The following SYNPR variants were observed in gnomAD, a reference collection of about 807,000 sequenced individuals.
The protein encoded by SYNPR is synaptoporin.
A neutral mutation model predicts 32.9 loss-of-function variants in SYNPR; 23 were observed. The observed-to-expected ratio is 0.70, with a 90% CI of 0.50 to 0.99. The LOEUF (loss-of-function observed/expected upper bound fraction) is 0.99, where lower values mean the gene tolerates loss of function less well. SYNPR is among the 50% of genes least tolerant of loss of function. SYNPR has a pLI of 0.00. For synonymous variants in SYNPR, 146 were observed against 135.9 expected, an observed-to-expected ratio of 1.07 and a Z score of -0.52; for missense variants, 318 against 349.3, an observed-to-expected ratio of 0.91 and a Z score of 0.71.
intron 2 of SYNPR, among the ~76,000 whole-genome samples, chr3:63,327,539 C>A (rs1232154045): frequency 6.6e-6 from 1 of 151,996 alleles, no homozygotes; most frequent in Non-Finnish European, 1.5e-5. Flanking sequence ...TATAAAGCCA[C>A]AAATGCTTAT....
At chr3:63,565,965 C>T (rs1379441855) in intron 4 of SYNPR, among the ~76,000 whole-genome samples, 2 of 152,138 alleles carry the variant, frequency 1.3e-5, no homozygotes, top group Non-Finnish European at 2.9e-5. Flanking sequence ...CTCTTCAGCC[C>T]AACCTAAACA....
chr3:63,382,670 G>T (rs1354372340), intron 2 of SYNPR, among the ~76,000 whole-genome samples: 2 of 152,182 alleles, frequency 1.3e-5, no homozygotes, highest in African/African-American at 4.8e-5. Flanking sequence ...TCGGTGCCAA[G>T]GTCCCTGGCC....
At chr3:63,510,915 C>CTGTGTGTGTG (rs755622968) in intron 3 of SYNPR, among the ~76,000 whole-genome samples, 40 of 149,192 alleles carry the variant, frequency 2.7e-4, no homozygotes, top group African/African-American at 6.6e-4. Context: ...AAAGGTACAA[C>CTGTGTGTGTG]TGTGTGTGTG....
chr3:63,592,774 T>C (rs896410176), intron 4 of SYNPR, among the ~76,000 whole-genome samples: 17 of 152,148 alleles, frequency 1.1e-4, no homozygotes, highest in African/African-American at 4.1e-4. Context: ...AATGCCTATA[T>C]ACTTTTCTAT....
At chr3:63,550,053 T>G (rs573642871) in intron 3 of SYNPR, 1 of 152,306 alleles carries the variant, frequency 6.6e-6, no homozygotes, top group Admixed American at 6.5e-5. Context: ...ATCCAGGTTC[T>G]GTTGAATGAC....
intron 4 of SYNPR, among the ~76,000 whole-genome samples, chr3:63,567,908 T>G (rs1470859121): frequency 6.6e-6 from 1 of 152,216 alleles, no homozygotes; most frequent in African/African-American, 2.4e-5. Flanking sequence ...TCTAATCAAT[T>G]TATATGCTAT....
chr3:63,289,835 A>G (rs2086721222), intron 2 of SYNPR, among the ~76,000 whole-genome samples: 1 of 152,204 alleles, frequency 6.6e-6, no homozygotes, highest in Admixed American at 6.5e-5. Flanking sequence ...AAGACTAATA[A>G]AAAACTCCTT....
chr3:63,323,406 C>T (rs1338451262), intron 2 of SYNPR, among the ~76,000 whole-genome samples: 2 of 152,090 alleles, frequency 1.3e-5, no homozygotes, highest in African/African-American at 2.4e-5. Flanking sequence ...TTCAATTCTA[C>T]AGGCATTTAT....
intron 3 of SYNPR, among the ~76,000 whole-genome samples, chr3:63,514,276 GT>G (rs1011595608): frequency 6.6e-6 from 1 of 152,140 alleles, no homozygotes; most frequent in Non-Finnish European, 1.5e-5. Context: ...AGGCTTGAAT[GT>G]TTTTTGGGAA....
intron 2 of SYNPR, among the ~76,000 whole-genome samples, chr3:63,311,320 T>G (rs1053463665): frequency 1.3e-5 from 2 of 152,038 alleles, no homozygotes; most frequent in East Asian, 3.9e-4. Context: ...AACTTCTCCA[T>G]GGAAATTCTA....
At chr3:63,222,057 T>C in the SYNPR span, among the ~76,000 whole-genome samples, 1 of 130,740 alleles carries the variant, frequency 7.6e-6, no homozygotes, top group East Asian at 2.2e-4. Flanking sequence ...GAGTAGAGAG[T>C]GGTTTAACAT....
At chr3:63,308,028 G>T (rs1489554432) in intron 2 of SYNPR, among the ~76,000 whole-genome samples, 1 of 152,004 alleles carries the variant, frequency 6.6e-6, no homozygotes, top group South Asian at 2.1e-4. Flanking sequence ...ATAATCTTCA[G>T]TAACATTAGA....
chr3:63,529,061 GTTTGATCACTAGCTTGCCTGAC>G (rs1702066029), intron 3 of SYNPR, among the ~76,000 whole-genome samples: 1 of 152,148 alleles, frequency 6.6e-6, no homozygotes, highest in Non-Finnish European at 1.5e-5. Context: ...GCGATACAAA[GTTTGATCACTAGCTTGCCTGAC>G]TCTAGGGTCT....
At chr3:63,327,620 C>G (rs2087181513) in intron 2 of SYNPR, among the ~76,000 whole-genome samples, 2 of 152,012 alleles carry the variant, frequency 1.3e-5, no homozygotes, top group East Asian at 3.9e-4. Flanking sequence ...AATGGACAAA[C>G]TATGAGTTTA....
chr3:63,239,308 T>A (rs62251286), intron 1 of SYNPR, among the ~76,000 whole-genome samples: 30,682 of 148,958 alleles, frequency 0.21, 2,510 homozygotes, highest in Admixed American at 0.28. Flanking sequence ...ACTACCATTG[T>A]CACCCATCCT....
chr3:63,549,416 A>G (rs1019191080), intron 3 of SYNPR, among the ~76,000 whole-genome samples: 1 of 152,170 alleles, frequency 6.6e-6, no homozygotes, highest in Non-Finnish European at 1.5e-5. Flanking sequence ...TTGCCAGTGT[A>G]GGCTCCTTCT....
chr3:63,368,035 T>A (rs2087748862), intron 2 of SYNPR, among the ~76,000 whole-genome samples: 1 of 152,184 alleles, frequency 6.6e-6, no homozygotes, highest in South Asian at 2.1e-4. Flanking sequence ...AAAACTGATG[T>A]ATTGAGAAAC....
chr3:63,487,497 G>A (rs1318995006), intron 3 of SYNPR, among the ~76,000 whole-genome samples: 1 of 152,064 alleles, frequency 6.6e-6, no homozygotes, highest in Non-Finnish European at 1.5e-5. Flanking sequence ...AAATCAACTA[G>A]AGTGCTAGAA....
At chr3:63,388,677 C>T (rs2088090446) in intron 2 of SYNPR, among the ~76,000 whole-genome samples, 1 of 151,866 alleles carries the variant, frequency 6.6e-6, no homozygotes, top group African/African-American at 2.4e-5. Flanking sequence ...ACCTCAGCCT[C>T]CCAAAGTTGC....
Sources: gnomAD v4.1 joint callset for allele counts (sites outside exome capture counted in the v4.1 genomes callset) on GRCh38, gnomAD v4.1.1 for gene constraint, MANE v1.5 for transcripts, NCBI Gene and HGNC (gene_info 2026-07-23, HGNC 2026-07-21) for gene names.